PRTFDC1: variants seen among roughly 807,000 people sequenced by gnomAD.
PRTFDC1 encodes phosphoribosyltransferase domain-containing protein 1.
A neutral mutation model predicts 34.6 loss-of-function variants in PRTFDC1; 38 were observed. The ratio of observed to expected loss-of-function variants is 1.10; its 90% CI spans 0.85 to 1.44. PRTFDC1 has a LOEUF of 1.44. Ranked by LOEUF, PRTFDC1 falls within the 40% of genes most tolerant of loss-of-function variation. The pLI, the probability that PRTFDC1 is intolerant of heterozygous loss-of-function variation, is 0.00. For missense variants in PRTFDC1, 270 were observed against 283.0 expected, an observed-to-expected ratio of 0.95 and a Z score of 0.33; for synonymous variants, 93 against 98.1, an observed-to-expected ratio of 0.95 and a Z score of 0.31.
intron 3 of PRTFDC1, among the ~76,000 whole-genome samples, chr10:24,905,314 A>G (rs1848516057): frequency 7.9e-6 from 1 of 126,884 alleles, no homozygotes; most frequent in South Asian, 2.6e-4. Flanking sequence ...CCCTGTCTCA[A>G]GAATTTTTTT....
At chr10:24,884,936 T>G (rs1238910918) in intron 3 of PRTFDC1, among the ~76,000 whole-genome samples, 2 of 152,110 alleles carry the variant, frequency 1.3e-5, no homozygotes, top group Non-Finnish European at 2.9e-5. Context: ...TCAGTGCTAT[T>G]AAGAGCTTCC....
At chr10:24,912,113 A>T (rs2132570059) in intron 3 of PRTFDC1, among the ~76,000 whole-genome samples, 1 of 151,508 alleles carries the variant, frequency 6.6e-6, no homozygotes, top group African/African-American at 2.4e-5. Context: ...TGCTAAAAAT[A>T]CAAAAATTGG....
intron 1 of PRTFDC1, among the ~76,000 whole-genome samples, chr10:24,951,338 G>A (rs190626423): frequency 4.6e-5 from 7 of 152,156 alleles, no homozygotes; most frequent in African/African-American, 1.2e-4. Flanking sequence ...TCTCTAGAAC[G>A]CAAGCTCATG....
At chr10:24,932,955 A>G (rs1011379095) in intron 3 of PRTFDC1, among the ~76,000 whole-genome samples, 7 of 152,188 alleles carry the variant, frequency 4.6e-5, no homozygotes, top group African/African-American at 1.7e-4. Context: ...AGACCAACAT[A>G]CATATATAAA....
chr10:24,908,244 A>G, intron 3 of PRTFDC1: 2 of 417,770 alleles, frequency 4.8e-6, no homozygotes, highest in East Asian at 4.1e-5. Context: ...GTTGCGTTGA[A>G]TTGAACATGT....
At chr10:24,880,921 CTCTT>C (rs1239403302) in intron 3 of PRTFDC1, among the ~76,000 whole-genome samples, 2 of 140,624 alleles carry the variant, frequency 1.4e-5, no homozygotes, top group Non-Finnish European at 3.0e-5. Flanking sequence ...TCTTTCTTCC[CTCTT>C]TCTTTCCCCT....
Position 24,952,142 on chromosome 10 carries a change from C to G in PRTFDC1, c.48+386G>C, listed in dbSNP as rs980763034. Among the ~76,000 whole-genome samples the G allele has an allele frequency of 2.2e-4, 34 of 152,214 alleles. 1 individual carries two copies. Among genetic ancestry groups the G allele is most frequent in the Admixed American group, 2.0e-4 (3 of 15,284 alleles). ...AACTTGAAGCCCGCCCTGGAGGAGT[C>G]AAGAGGAGACCCAGGAAGAAGGAGG... On this transcript the variant is annotated intron_variant, in intron 1 of 8. Transcript: ENST00000320152. This position sits in a 1 kb window ranked among gnomAD's most constrained non-coding sequence, Gnocchi z 5.1.
chr10:24,877,263 G>A (rs1847982818), intron 3 of PRTFDC1, among the ~76,000 whole-genome samples: 1 of 152,026 alleles, frequency 6.6e-6, no homozygotes, highest in South Asian at 2.1e-4. Flanking sequence ...TCAAACAACT[G>A]GGCTACAGTG....
intron 4 of PRTFDC1, among the ~76,000 whole-genome samples, chr10:24,870,226 G>A (rs1847850179): frequency 6.6e-6 from 1 of 152,094 alleles, no homozygotes; most frequent in Non-Finnish European, 1.5e-5. Flanking sequence ...CTCTTCCTCA[G>A]CCTCCCAAGT....
rs76661123 is a variant in PRTFDC1 at position 24,908,539 on chromosome 10, G to A, written c.339+28645C>T. The stretch of plus-strand genomic sequence containing the variant: ...CTGATCTTGGTAACTGAAACCGGAT[G>A]TGGAAACAGGGAATGAGCACTTGGA... On this transcript the variant is annotated intron_variant, in intron 3 of 8. Coordinates refer to ENST00000320152, the MANE Select transcript of PRTFDC1 (RefSeq NM_020200.7). 5,341 of 1,612,742 alleles carry A rather than the reference G, an allele frequency of 3.3e-3. 196 individuals carry two copies. The East Asian group carries it at 0.089, about 27-fold the overall frequency.
At chr10:24,880,863 C>CTTTCTTTCTTTCTTTCTTTCT (rs2132524875) in intron 3 of PRTFDC1, among the ~76,000 whole-genome samples, 1 of 146,594 alleles carries the variant, frequency 6.8e-6, no homozygotes, top group East Asian at 2.0e-4. Flanking sequence ...TTCTTTCTTT[C>CTTTCTTTCTTTCTTTCTTTCT]TTTCTTTCTT....
At chr10:24,908,178 C>CTTTGGTG in intron 3 of PRTFDC1, 2 of 232,356 alleles carry the variant, frequency 8.6e-6, no homozygotes, top group South Asian at 9.2e-5. Context: ...GGGCCTGGGG[C>CTTTGGTG]TACATCATAC....
chr10:24,917,983 C>T (rs1848722733), intron 3 of PRTFDC1, among the ~76,000 whole-genome samples: 1 of 152,092 alleles, frequency 6.6e-6, no homozygotes, highest in Non-Finnish European at 1.5e-5. Context: ...TTTTTTGGTT[C>T]ATTTTTTTCT....
rs1414737348 is a variant in PRTFDC1 at position 24,952,193 on chromosome 10, C to T, written c.48+335G>A. Among the ~76,000 whole-genome samples, 1 of 152,186 alleles carries T rather than the reference C, an allele frequency of 6.6e-6. No homozygotes were observed. Among genetic ancestry groups the T allele is most frequent in the African/African-American group, 2.4e-5 (1 of 41,460 alleles). ...CCTCCAGAGCAGCACGCGGGGGTCTCTGGGGCCCTGCCGGGCTCGCAGAAG... is the reference window on the plus strand; with the variant it reads ...CCTCCAGAGCAGCACGCGGGGGTCTTTGGGGCCCTGCCGGGCTCGCAGAAG... On this transcript the variant is annotated intron_variant, in intron 1 of 8. Coordinates refer to ENST00000320152, the MANE Select transcript of PRTFDC1 (RefSeq NM_020200.7). The surrounding 1 kb of genome is among the most constrained non-coding windows in gnomAD (Gnocchi z 5.1).
intron 1 of PRTFDC1, 144 bp from the exon 2 acceptor site, chr10:24,942,580 A>G: frequency 2.9e-6 from 2 of 679,302 alleles, no homozygotes; most frequent in African/African-American, 1.8e-5. Flanking sequence ...ACAACCTGAT[A>G]CAAGGCGCAG....
chr10:24,855,217 C>A, intron 7 of PRTFDC1, 101 bp downstream of exon 7: 1 of 1,167,994 alleles, frequency 8.6e-7, no homozygotes, highest in Admixed American at 2.0e-5. Context: ...AATCCACATG[C>A]AATGCTGTCA....
intron 3 of PRTFDC1, among the ~76,000 whole-genome samples, chr10:24,876,553 G>C (rs917828416): frequency 2.0e-5 from 3 of 151,978 alleles, no homozygotes; most frequent in African/African-American, 7.3e-5. Flanking sequence ...AATTAGCCAG[G>C]TATGTTGGTG....
intron 1 of PRTFDC1, among the ~76,000 whole-genome samples, chr10:24,950,060 T>C (rs754292030): frequency 7.2e-5 from 11 of 152,112 alleles, no homozygotes; most frequent in Admixed American, 4.6e-4. Context: ...CCCCTCTCAC[T>C]ACCTCTTTGC....
At chr10:24,914,169 T>G (rs1848663238) in intron 3 of PRTFDC1, among the ~76,000 whole-genome samples, 2 of 152,050 alleles carry the variant, frequency 1.3e-5, no homozygotes, top group Admixed American at 1.3e-4. Flanking sequence ...AATAAGAAAA[T>G]GTAGTTAATC....
Sources: gnomAD v4.1 joint callset for allele counts (sites outside exome capture counted in the v4.1 genomes callset) on GRCh38, gnomAD v4.1.1 for gene constraint, Gnocchi (gnomAD v3.1) non-coding constraint, MANE v1.5 for transcripts, NCBI Gene and HGNC (gene_info 2026-07-23, HGNC 2026-07-21) for gene names.